The following AGBL1 variants were observed in gnomAD, a reference collection of about 807,000 sequenced individuals.
The protein encoded by AGBL1 is cytosolic carboxypeptidase 4.
A neutral mutation model predicts 118.9 loss-of-function variants in AGBL1; 130 were observed. The ratio of observed to expected loss-of-function variants is 1.09; its 90% CI spans 0.95 to 1.26. The LOEUF is 1.26. Among genes scored for constraint, AGBL1 ranks in the 50% most tolerant of loss-of-function variants. The probability of loss-of-function intolerance (pLI) is 0.00; values close to 1 mark genes in which losing one functional copy is unlikely to be tolerated. For synonymous variants in AGBL1, 555 were observed against 478.9 expected (o/e 1.16, Z -2.08); for missense variants, 1,584 against 1,298.1 (o/e 1.22, Z -3.38).
At chr15:86,319,891 G>C (rs939338317) in intron 17 of AGBL1, among the ~76,000 whole-genome samples, 52 of 151,254 alleles carry the variant, frequency 3.4e-4, no homozygotes, top group African/African-American at 1.2e-3. Context: ...CGAGTAGCTG[G>C]GATTACAGGC....
intron 22 of AGBL1, among the ~76,000 whole-genome samples, chr15:86,819,142 G>C (rs2078904288): frequency 6.6e-6 from 1 of 151,986 alleles, no homozygotes; most frequent in Admixed American, 6.6e-5. Context: ...GAAAGTGATG[G>C]GGGCAAAAAT....
rs567360072 is a variant in AGBL1 at position 86,754,430 on chromosome 15, A to AT, written c.3158+79995dup. Among the ~76,000 whole-genome samples the AT allele has an allele frequency of 2.0e-5, 3 of 152,142 alleles. No homozygotes were observed. The South Asian group carries it at 6.2e-4, about 32-fold the overall frequency. ...TGGTTCTGTCACCAGGTAGGTTCTGATGTCTGGGTTTTGTTTATTTTCCTC... is the reference window on the plus strand; with the variant it reads ...TGGTTCTGTCACCAGGTAGGTTCTGATTGTCTGGGTTTTGTTTATTTTCCTC... On this transcript the variant is annotated intron_variant, in intron 22 of 22. Transcript: ENST00000614907.
chr15:86,374,319 G>A (rs1445766937), intron 17 of AGBL1, among the ~76,000 whole-genome samples: 1 of 152,176 alleles, frequency 6.6e-6, no homozygotes, highest in Non-Finnish European at 1.5e-5. Context: ...GTTATTTTAT[G>A]TTTCATGGAT....
At chr15:86,356,844 T>A (rs375756417) in intron 17 of AGBL1, among the ~76,000 whole-genome samples, 1 of 152,230 alleles carries the variant, frequency 6.6e-6, no homozygotes, top group East Asian at 1.9e-4. Context: ...GATTCTCATT[T>A]TACATTTGAG....
chr15:86,998,595 TC>T (rs552799222), intron 24 of AGBL1, among the ~76,000 whole-genome samples: 4 of 152,330 alleles, frequency 2.6e-5, no homozygotes, highest in African/African-American at 9.6e-5. Context: ...CACCTTATTT[TC>T]TCCAATAAGT....
At chr15:86,813,020 T>C (rs2141371418) in intron 22 of AGBL1, among the ~76,000 whole-genome samples, 1 of 151,972 alleles carries the variant, frequency 6.6e-6, no homozygotes, top group Non-Finnish European at 1.5e-5. Flanking sequence ...GTGAGAATTG[T>C]CCAAGAGGAA....
At chr15:86,698,356 C>A (rs1273979859) in intron 22 of AGBL1, among the ~76,000 whole-genome samples, 1 of 151,922 alleles carries the variant, frequency 6.6e-6, no homozygotes. Context: ...TAACTAGTTT[C>A]CTTATTTTTA....
chr15:86,229,665 C>T (rs2078423992), intron 6 of AGBL1, among the ~76,000 whole-genome samples: 1 of 152,138 alleles, frequency 6.6e-6, no homozygotes, highest in Non-Finnish European at 1.5e-5. Context: ...ACCTTTCCCT[C>T]TTTCTTTTTG....
At chr15:86,587,256 G>C (rs1378982168) in intron 21 of AGBL1, among the ~76,000 whole-genome samples, 1 of 152,138 alleles carries the variant, frequency 6.6e-6, no homozygotes, top group African/African-American at 2.4e-5. Flanking sequence ...AATGAAGTGA[G>C]GAATCAGGGA....
rs185088671 is a variant in AGBL1 at position 86,345,519 on chromosome 15, C to A, written c.2374+50111C>A. The stretch of plus-strand genomic sequence containing the variant: ...CTAATAGTAAATGTTCAAAGAAGTA[C>A]CTCTAACTGTAAGGAAGCAGTCAAG... On this transcript the variant is annotated intron_variant, in intron 17 of 22. Coordinates refer to ENST00000614907, the MANE Select transcript of AGBL1 (RefSeq NM_001386094.1). 4.6e-5 allele frequency among the ~76,000 whole-genome samples: 7 copies of A among 152,268 alleles called. No individual in the cohort carries two copies. In the East Asian group the frequency reaches 1.2e-3, roughly 25 times the overall value.
intron 18 of AGBL1, among the ~76,000 whole-genome samples, chr15:86,486,562 G>T (rs1012042174): frequency 5.9e-5 from 9 of 152,158 alleles, no homozygotes; most frequent in Admixed American, 5.9e-4. Context: ...ATTTCCCAGA[G>T]CAGGCAAGCA....
intron 13 of AGBL1, among the ~76,000 whole-genome samples, chr15:86,268,026 C>T (rs1479488279): frequency 3.3e-5 from 5 of 152,184 alleles, no homozygotes; most frequent in Admixed American, 2.0e-4. Context: ...TTCATGAGAG[C>T]TAAGTAATAC....
chr15:86,353,361 A>G (rs2080661908), intron 17 of AGBL1, among the ~76,000 whole-genome samples: 2 of 152,226 alleles, frequency 1.3e-5, no homozygotes, highest in South Asian at 4.1e-4. Flanking sequence ...AAGGACCATC[A>G]ATACAAAGCA....
At chr15:86,657,859 A>T (rs975290429) in intron 21 of AGBL1, among the ~76,000 whole-genome samples, 1 of 151,776 alleles carries the variant, frequency 6.6e-6, no homozygotes, top group Non-Finnish European at 1.5e-5. Flanking sequence ...GCCAGCAGCC[A>T]TGGTGTCTTG....
In AGBL1 at chr15:86,875,111, T is replaced by C. The variant is rs528578937; in HGVS notation, c.3159-31976T>C. ...AATATAACTTGTTTTTCTTAGATGC[T>C]TTGTTCATGACCCCCAGAGAAAACG... On this transcript the variant is annotated intron_variant, in intron 22 of 22. Transcript: ENST00000614907. Among the ~76,000 whole-genome samples, 10 of 152,294 alleles carry C rather than the reference T, an allele frequency of 6.6e-5. No homozygotes were observed. The East Asian group carries it at 1.9e-3, about 29-fold the overall frequency.
At chr15:86,897,787 T>C (rs1377330527) in intron 22 of AGBL1, among the ~76,000 whole-genome samples, 2 of 141,824 alleles carry the variant, frequency 1.4e-5, no homozygotes, top group African/African-American at 5.4e-5. Flanking sequence ...TTTTTTTTTT[T>C]GAGACAGGGA....
intron 1 of AGBL1, among the ~76,000 whole-genome samples, chr15:86,099,657 A>G (rs549687460): frequency 4.0e-5 from 6 of 151,268 alleles, no homozygotes; most frequent in African/African-American, 1.5e-4. Flanking sequence ...CTCCTGCCTC[A>G]GCATCCCACA....
chr15:86,407,618 G>C (rs1210012572), intron 18 of AGBL1, among the ~76,000 whole-genome samples: 6 of 152,114 alleles, frequency 3.9e-5, no homozygotes, highest in African/African-American at 1.2e-4. Context: ...ACTCATTGAA[G>C]GTATGATTTT....
At chr15:86,113,212 T>TTTTCTTTTCTTTTCTTTTC (rs1555430663) in intron 1 of AGBL1, among the ~76,000 whole-genome samples, 3 of 122,132 alleles carry the variant, frequency 2.5e-5, no homozygotes, top group East Asian at 2.4e-4. Flanking sequence ...TTTCTTTTTC[T>TTTTCTTTTCTTTTCTTTTC]TTTTCTTTTC....
Sources: allele counts gnomAD v4.1 joint callset (sites outside exome capture counted in the v4.1 genomes callset), GRCh38; gene constraint gnomAD v4.1.1; transcripts MANE v1.5; gene names NCBI Gene and HGNC (gene_info 2026-07-23, HGNC 2026-07-21).